PRKCQ: variants seen among roughly 807,000 people sequenced by gnomAD.
PRKCQ encodes the protein protein kinase C theta.
Under a neutral mutation model 91.2 loss-of-function variants are expected in PRKCQ, and 41 were observed. That is an observed-to-expected ratio of 0.45 (90% CI 0.35 to 0.58). The LOEUF (loss-of-function observed/expected upper bound fraction) is 0.58. Ranked by LOEUF, PRKCQ falls within the 20% of genes least tolerant of loss-of-function variation. The pLI is 0.00. For missense variants in PRKCQ, 673 were observed against 896.5 expected (o/e 0.75, Z 3.18); for synonymous variants, 307 against 316.9 (o/e 0.97, Z 0.33).
chr10:6,466,241 A>G (rs1033927517), intron 12 of PRKCQ, among the ~76,000 whole-genome samples: 1 of 152,208 alleles, frequency 6.6e-6, no homozygotes, highest in African/African-American at 2.4e-5. Context: ...TTAGATGTGG[A>G]GAAAGTGGTG....
intron 7 of PRKCQ, among the ~76,000 whole-genome samples, chr10:6,495,782 T>C (rs1379586065): frequency 6.6e-6 from 1 of 152,092 alleles, no homozygotes; most frequent in African/African-American, 2.4e-5. Context: ...AGTGGAGTAA[T>C]AGACATTGGA....
chr10:6,425,078 C>T (rs1191747916), downstream of PRKCQ, among the ~76,000 whole-genome samples: 2 of 152,154 alleles, frequency 1.3e-5, no homozygotes, highest in Non-Finnish European at 2.9e-5. Flanking sequence ...AGTGAACAAT[C>T]ATCAGATGCT....
intron 15 of PRKCQ, among the ~76,000 whole-genome samples, chr10:6,453,279 C>CA (rs1834810977): frequency 6.6e-6 from 1 of 152,254 alleles, no homozygotes; most frequent in East Asian, 1.9e-4. Flanking sequence ...AGACACTTCT[C>CA]AAAAGAAGAC....
At chr10:6,511,384 A>G (rs1056782704) in intron 2 of PRKCQ, among the ~76,000 whole-genome samples, 190 bp from the exon 3 acceptor site, 1 of 152,228 alleles carries the variant, frequency 6.6e-6, no homozygotes, top group Non-Finnish European at 1.5e-5. Flanking sequence ...TCCAGATGCA[A>G]GGTGATGCAT....
intron 7 of PRKCQ, among the ~76,000 whole-genome samples, chr10:6,494,721 T>C (rs1837500139): frequency 6.6e-6 from 1 of 152,212 alleles, no homozygotes; most frequent in Non-Finnish European, 1.5e-5. Flanking sequence ...TAGATTCCTT[T>C]GTAGTCAGTC....
At chr10:6,571,530 G>T (rs1360255891) in intron 1 of PRKCQ, among the ~76,000 whole-genome samples, 1 of 152,158 alleles carries the variant, frequency 6.6e-6, no homozygotes, top group Non-Finnish European at 1.5e-5. Context: ...CCCTTGATAG[G>T]TGGGGTGGCT....
At chr10:6,519,845 A>G (rs544763728) in intron 1 of PRKCQ, among the ~76,000 whole-genome samples, 1 of 152,284 alleles carries the variant, frequency 6.6e-6, no homozygotes, top group Non-Finnish European at 1.5e-5. Context: ...TTCTGAATAT[A>G]TCTGACTCTA....
At chr10:6,493,205 G>A (rs1281461649) in intron 7 of PRKCQ, among the ~76,000 whole-genome samples, 3 of 152,192 alleles carry the variant, frequency 2.0e-5, no homozygotes, top group South Asian at 2.1e-4. Flanking sequence ...CACTTGAAAG[G>A]TGGTGAGTTA....
At chr10:6,569,409 G>A (rs1840951065) in intron 1 of PRKCQ, among the ~76,000 whole-genome samples, 1 of 151,978 alleles carries the variant, frequency 6.6e-6, no homozygotes. Context: ...AAGAGGCTCA[G>A]ACTTGGAGGA....
chr10:6,430,707 G>T lies in PRKCQ; in HGVS notation c.1965+103C>A. 1 of 1,480,720 alleles carries T rather than the reference G, an allele frequency of 6.8e-7. No homozygotes were observed. Among genetic ancestry groups the T allele is most frequent in the Non-Finnish European group, 9.2e-7 (1 of 1,091,330 alleles). The allele number at this position is 1,480,720 out of a possible 1,614,324, so 91.7% of individuals were successfully genotyped here. A position where few individuals can be genotyped will look rare whatever the true frequency, so the allele number is the denominator to read the frequency against. ...TGGAGAGTGGGGCTGGTGGGGAGTTGGGGCACCGGCAGGGGTGAGCAGCTG... is the reference window on the plus strand; with the variant it reads ...TGGAGAGTGGGGCTGGTGGGGAGTTTGGGCACCGGCAGGGGTGAGCAGCTG... On this transcript the variant is annotated intron_variant, in intron 17 of 17. Coordinates refer to ENST00000263125, the MANE Select transcript of PRKCQ (RefSeq NM_006257.5). This position sits in a 1 kb window ranked among gnomAD's most constrained non-coding sequence, Gnocchi z 4.7.
At chr10:6,522,447 T>C (rs1289879254) in intron 1 of PRKCQ, among the ~76,000 whole-genome samples, 2 of 152,166 alleles carry the variant, frequency 1.3e-5, no homozygotes, top group East Asian at 3.8e-4. Flanking sequence ...CTCACCTATT[T>C]AGCTAGGCTG....
chr10:6,520,175 G>A (rs1016349115), intron 1 of PRKCQ, among the ~76,000 whole-genome samples: 3 of 152,184 alleles, frequency 2.0e-5, no homozygotes, highest in African/African-American at 4.8e-5. Context: ...AAATCTCCAA[G>A]GGGACCCCAA....
At chr10:6,441,491 CA>C (rs1833970554) in intron 16 of PRKCQ, among the ~76,000 whole-genome samples, 1 of 151,322 alleles carries the variant, frequency 6.6e-6, no homozygotes, top group African/African-American at 2.4e-5. Flanking sequence ...GTTTTGGAGA[CA>C]GGGGTCTCGA....
Position 6,479,140 on chromosome 10 carries a change from G to A in PRKCQ, c.1205C>T (p.Thr402Ile). 6.2e-7 allele frequency: 1 copy of A among 1,614,106 alleles called. No individual in the cohort carries two copies. The highest frequency in any genetic ancestry group is 8.5e-7 in the Non-Finnish European group (1 of 1,179,990). The part of the protein sequence containing the change: ...GKVFLAEFKK[T>I]NQFFAIKALK... Reference sequence around the variant, plus strand: ...GGCCTTTATTGCGAAAAATTGATTGGTTTTCTTGAATTCTGCCAGGAAGAC... The same window carrying A: ...GGCCTTTATTGCGAAAAATTGATTGATTTTCTTGAATTCTGCCAGGAAGAC... Residue 402 changes from threonine (T) to isoleucine (I), a missense_variant, in exon 12 of 18, where the codon ACC (threonine) becomes ATC (isoleucine). Coordinates refer to ENST00000263125, the MANE Select transcript of PRKCQ (RefSeq NM_006257.5).
At chr10:6,424,967 G>A (rs1184452194), downstream of PRKCQ, among the ~76,000 whole-genome samples, 2 of 152,226 alleles carry the variant, frequency 1.3e-5, no homozygotes, top group African/African-American at 4.8e-5. Flanking sequence ...GTGGTGATGA[G>A]AGGACCGGCA....
chr10:6,575,002 G>C (rs1461658284), intron 1 of PRKCQ, among the ~76,000 whole-genome samples: 1 of 152,124 alleles, frequency 6.6e-6, no homozygotes, highest in African/African-American at 2.4e-5. Context: ...TTCACAACTT[G>C]GTATGTGTCA....
intron 1 of PRKCQ, among the ~76,000 whole-genome samples, chr10:6,570,965 G>A (rs1841021983): frequency 6.6e-6 from 1 of 152,134 alleles, no homozygotes; most frequent in South Asian, 2.1e-4. Flanking sequence ...TTCTGAATCG[G>A]GAAACTTGTA....
chr10:6,438,411 TA>T (rs1200562323), intron 16 of PRKCQ, among the ~76,000 whole-genome samples: 1 of 152,262 alleles, frequency 6.6e-6, no homozygotes, highest in Non-Finnish European at 1.5e-5. Context: ...AACCCATGGA[TA>T]GCTTCCAATG....
the PRKCQ span, among the ~76,000 whole-genome samples, chr10:6,404,420 TTCTCTTTCTTTC>T: frequency 0.16 from 24,121 of 149,396 alleles, 2,372 homozygotes; most frequent in Middle Eastern, 0.24. Flanking sequence ...TCTTTCTTTT[TTCTCTTTCTTTC>T]TCTCTTTCTT....
Sources: allele counts gnomAD v4.1 joint callset (sites outside exome capture counted in the v4.1 genomes callset), GRCh38; gene constraint gnomAD v4.1.1; non-coding constraint Gnocchi (gnomAD v3.1); transcripts MANE v1.5; gene names NCBI Gene and HGNC (gene_info 2026-07-23, HGNC 2026-07-21).